HDGFL3: variants seen among roughly 807,000 people sequenced by gnomAD.
HDGFL3 encodes hepatoma-derived growth factor-related protein 3.
Under a neutral mutation model 27.6 loss-of-function variants are expected in HDGFL3, and 6 were observed. The observed-to-expected ratio is 0.22, with a 90% CI of 0.12 to 0.43. HDGFL3 has a LOEUF of 0.43. Among genes scored for constraint, HDGFL3 ranks in the 20% least tolerant of loss-of-function variants. The pLI is 1.00. For missense variants in HDGFL3, 207 were observed against 250.1 expected (o/e 0.83, Z 1.16); for synonymous variants, 88 against 88.9 (o/e 0.99, Z 0.05).
intron 1 of HDGFL3, among the ~76,000 whole-genome samples, chr15:83,169,444 A>AAAAAAG (rs2037217729): frequency 2.1e-5 from 3 of 145,954 alleles, no homozygotes; most frequent in African/African-American, 7.7e-5. Flanking sequence ...AAAAAAAAAA[A>AAAAAAG]AAAGAAAGAA....
intron 1 of HDGFL3, among the ~76,000 whole-genome samples, chr15:83,164,889 C>T (rs570190501): frequency 2.4e-4 from 36 of 152,256 alleles, no homozygotes; most frequent in Admixed American, 1.1e-3. Flanking sequence ...TGCCATGATT[C>T]GGCAGTGTGA....
downstream of HDGFL3, chr15:83,126,983 G>C: frequency 1.5e-6 from 1 of 662,628 alleles, no homozygotes; most frequent in South Asian, 1.9e-5. Flanking sequence ...ACGAGGTCAG[G>C]AGTTTGAAAC....
At chr15:83,126,950 TG>T, downstream of HDGFL3, 1 of 869,840 alleles carries the variant, frequency 1.1e-6, no homozygotes. Context: ...CCCAGCACTT[TG>T]GGAGGCCGAG....
exon 4 of HDGFL3, chr15:83,112,975 C>T: frequency 8.0e-7 from 1 of 1,256,336 alleles, no homozygotes; most frequent in Non-Finnish European, 1.2e-6. Flanking sequence ...ACATATTCCT[C>T]CTTGGTTGTG....
intron 4 of HDGFL3, among the ~76,000 whole-genome samples, chr15:83,156,439 G>A (rs904489127): frequency 2.6e-5 from 4 of 152,180 alleles, no homozygotes; most frequent in African/African-American, 4.8e-5. Context: ...GTTGCTCACC[G>A]CTGTATACCT....
intron 1 of HDGFL3, among the ~76,000 whole-genome samples, chr15:83,203,015 T>C (rs2037667909): frequency 6.6e-6 from 1 of 152,114 alleles, no homozygotes; most frequent in Non-Finnish European, 1.5e-5. Context: ...CTCTTGGGTA[T>C]ATGCCTAGAA....
chr15:83,203,581 T>A (rs1382262962), intron 1 of HDGFL3, among the ~76,000 whole-genome samples: 1 of 152,082 alleles, frequency 6.6e-6, no homozygotes, highest in Non-Finnish European at 1.5e-5. Context: ...AAGCTGACAC[T>A]TCTATTCTAG....
At chr15:83,200,856 C>CTTT (rs200038603) in intron 1 of HDGFL3, among the ~76,000 whole-genome samples, 2 of 120,178 alleles carry the variant, frequency 1.7e-5, no homozygotes, top group African/African-American at 3.1e-5. Flanking sequence ...TTACTTTATT[C>CTTT]TTTTTTTTTT....
At chr15:83,121,718 C>T (rs931990202) in intron 3 of HDGFL3, among the ~76,000 whole-genome samples, 3 of 152,058 alleles carry the variant, frequency 2.0e-5, no homozygotes, top group Non-Finnish European at 2.9e-5. Context: ...TAAAAGGACA[C>T]GAAGAAGGTT....
At chr15:83,184,250 G>A (rs1210389538) in intron 1 of HDGFL3, among the ~76,000 whole-genome samples, 1 of 152,174 alleles carries the variant, frequency 6.6e-6, no homozygotes, top group African/African-American at 2.4e-5. Context: ...ATTCAAGTCT[G>A]ATAAATAGGG....
chr15:83,154,996 G>T (rs909121244), intron 4 of HDGFL3, among the ~76,000 whole-genome samples: 1 of 152,022 alleles, frequency 6.6e-6, no homozygotes, highest in Non-Finnish European at 1.5e-5. Flanking sequence ...AGCCTCCCAA[G>T]TAGCTGGACT....
intron 1 of HDGFL3, among the ~76,000 whole-genome samples, chr15:83,182,286 G>T (rs1334832076): frequency 4.0e-5 from 6 of 151,826 alleles, no homozygotes; most frequent in African/African-American, 1.4e-4. Context: ...TATCTTCTGT[G>T]GATATCTTTT....
chr15:83,146,428 T>C (rs900782115), intron 5 of HDGFL3, among the ~76,000 whole-genome samples: 1 of 152,220 alleles, frequency 6.6e-6, no homozygotes, highest in South Asian at 2.1e-4. Context: ...CGGCAACTAC[T>C]GCAACCTTTC....
At chr15:83,118,566 A>G (rs1352480268) in intron 3 of HDGFL3, among the ~76,000 whole-genome samples, 1 of 152,120 alleles carries the variant, frequency 6.6e-6, no homozygotes, top group African/African-American at 2.4e-5. Context: ...CTCTGATTTT[A>G]ATTTGATTTG....
At chr15:83,126,105 G>C (rs550483768), downstream of HDGFL3, among the ~76,000 whole-genome samples, 98 of 152,258 alleles carry the variant, frequency 6.4e-4, 1 homozygote, top group African/African-American at 2.2e-3. Context: ...TGCAAGGTGG[G>C]TAGGGCTTTT....
intron 5 of HDGFL3, among the ~76,000 whole-genome samples, chr15:83,146,397 T>C (rs890183868): frequency 2.6e-5 from 4 of 152,218 alleles, no homozygotes; most frequent in South Asian, 2.1e-4. Flanking sequence ...CTGGAAATAC[T>C]AGTAGCACCT....
chr15:83,121,768 G>C (rs1041778334), intron 3 of HDGFL3: 5 of 617,400 alleles, frequency 8.1e-6, no homozygotes, highest in Non-Finnish European at 5.6e-6. Flanking sequence ...CATAACCAGG[G>C]CTCCTTGTGT....
chr15:83,156,215 T>C (rs1214259480), intron 4 of HDGFL3, among the ~76,000 whole-genome samples: 2 of 152,178 alleles, frequency 1.3e-5, no homozygotes, highest in Non-Finnish European at 2.9e-5. Flanking sequence ...CTGCCATATA[T>C]GGCTTCTCCT....
At chr15:83,170,575 C>T (rs1218273160) in intron 1 of HDGFL3, among the ~76,000 whole-genome samples, 1 of 152,048 alleles carries the variant, frequency 6.6e-6, no homozygotes, top group African/African-American at 2.4e-5. Context: ...TAACTCAAGA[C>T]GAATTAAAGT....
Sources: allele counts gnomAD v4.1 joint callset (sites outside exome capture counted in the v4.1 genomes callset), GRCh38; gene constraint gnomAD v4.1.1; transcripts MANE v1.5; gene names NCBI Gene and HGNC (gene_info 2026-07-23, HGNC 2026-07-21).